Variants in ARIH2 observed in about 807,000 individuals in gnomAD.
ARIH2 encodes the protein ariadne RBR E3 ubiquitin protein ligase 2.
Under a neutral mutation model 79.8 loss-of-function variants are expected in ARIH2, and 12 were observed. The observed-to-expected ratio is 0.15, with a 90% CI of 0.10 to 0.24. The LOEUF (loss-of-function observed/expected upper bound fraction) is 0.24. ARIH2 is among the 10% of genes least tolerant of loss of function. The probability of loss-of-function intolerance (pLI) is 1.00; values close to 1 mark genes in which losing one functional copy is unlikely to be tolerated. For missense variants in ARIH2, 301 were observed against 618.3 expected, an observed-to-expected ratio of 0.49 and a Z score of 5.44; for synonymous variants, 224 against 213.9, an observed-to-expected ratio of 1.05 and a Z score of -0.41.
rs2092817221 is a variant in ARIH2, at chr3:48,983,325, T to C, written c.*55T>C. 6.4e-7 allele frequency: 1 copy of C among 1,563,058 alleles called. No individual in the cohort carries two copies. Among genetic ancestry groups the C allele is most frequent in the Non-Finnish European group, 8.8e-7 (1 of 1,134,938 alleles). ...AGATGTGGCTGCAAGGTCTCCCGGC[T>C]GCCATACTGCATGCTGCAGGCTCTG... is the stretch of plus-strand genomic sequence containing the variant. On this transcript the variant is annotated 3_prime_UTR_variant, in exon 16 of 16. Coordinates refer to ENST00000356401, the MANE Select transcript of ARIH2 (RefSeq NM_006321.4).
chr3:48,982,937 C>T lies in ARIH2; in HGVS notation c.1368C>T (p.Asn456=). 6.2e-7 allele frequency: 1 copy of T among 1,614,202 alleles called. No individual in the cohort carries two copies. Among genetic ancestry groups the T allele is most frequent in the Non-Finnish European group, 8.5e-7 (1 of 1,180,046 alleles). ...CTCAGCTGGAGGCTGAGATCGAAAACCTCTCATGGAAAGTGGAGCGTGCAG... is the reference window on the plus strand; with the variant it reads ...CTCAGCTGGAGGCTGAGATCGAAAATCTCTCATGGAAAGTGGAGCGTGCAG... ...QQAQLEAEIE[N]LSWKVERADS... is the part of the protein sequence containing the mutation. The change falls in exon 15 of 16, where the codon AAC becomes AAT. Residue 456 remains asparagine (N), a synonymous_variant. Transcript: ENST00000356401.
chr3:48,941,657 A>G (rs1370011973), intron 3 of ARIH2, among the ~76,000 whole-genome samples: 3 of 149,844 alleles, frequency 2.0e-5, no homozygotes, highest in Non-Finnish European at 4.4e-5. Context: ...CAGTGGCGCA[A>G]TCTCGGCTCA....
At position 48,968,656 on chromosome 3, in the gene ARIH2, G is replaced by A. The variant is rs1356658348; in HGVS notation, c.660+1G>A. 1 of 1,607,066 alleles carries A rather than the reference G, an allele frequency of 6.2e-7. No individual in the cohort carries two copies. Reference sequence around the variant, plus strand: ...CTACCTCTTCAGGGACTATGTGGAGGTATGGCCAGCCTTTGTTCTGCCCTC... The same window carrying A: ...CTACCTCTTCAGGGACTATGTGGAGATATGGCCAGCCTTTGTTCTGCCCTC... On this transcript the variant is annotated splice_donor_variant, in intron 7 of 15. Transcript: ENST00000356401. LOFTEE classifies it high-confidence loss of function.
At chr3:48,919,996 G>A (rs1301376164) in intron 1 of ARIH2, among the ~76,000 whole-genome samples, 1 of 144,572 alleles carries the variant, frequency 6.9e-6, no homozygotes, top group African/African-American at 2.6e-5. Flanking sequence ...TTTTTTTTTG[G>A]TGGGCGGGAC....
At chr3:48,952,380 A>G (rs535755133) in intron 3 of ARIH2, among the ~76,000 whole-genome samples, 3 of 152,330 alleles carry the variant, frequency 2.0e-5, no homozygotes, top group South Asian at 2.1e-4. Context: ...TGTCCTGTCA[A>G]TACTGGAGAG....
chr3:48,979,371 G>A (rs2092671618), intron 11 of ARIH2, 111 bp from the exon 12 acceptor site: 5 of 1,172,946 alleles, frequency 4.3e-6, no homozygotes, highest in Middle Eastern at 2.8e-4. Context: ...TTGGGAAGTT[G>A]TGTTCAGGTG....
intron 3 of ARIH2, among the ~76,000 whole-genome samples, chr3:48,938,416 A>G (rs1328971492): frequency 6.6e-6 from 1 of 152,208 alleles, no homozygotes; most frequent in Non-Finnish European, 1.5e-5. Context: ...ACTTCTCAGC[A>G]GTATGAAAGA....
chr3:48,960,280 C>T (rs577389933), intron 3 of ARIH2, among the ~76,000 whole-genome samples: 1 of 152,182 alleles, frequency 6.6e-6, no homozygotes, highest in African/African-American at 2.4e-5. Context: ...GCTTCTTTAA[C>T]CTAACATTAA....
Position 48,918,953 on chromosome 3 carries a change from C to T in ARIH2, c.-207C>T, listed in dbSNP as rs372570123. ...CCGGTCCCTCTGGCCCGGCCTGACC[C>T]GGTCTGGCTTGTTCGGGCTCAGCGG... On this transcript the variant is annotated 5_prime_UTR_variant, in exon 1 of 16. Coordinates refer to ENST00000356401, the MANE Select transcript of ARIH2 (RefSeq NM_006321.4). The T allele has an allele frequency of 4.0e-5, 61 of 1,527,580 alleles. No homozygotes were observed. The African/African-American group carries it at 7.2e-4, about 18-fold the overall frequency. 94.6% of individuals were successfully genotyped at this position (1,527,580 alleles called of 1,614,324 possible).
chr3:48,979,407 G>C (rs2092673598), intron 11 of ARIH2, 75 bp from the exon 12 acceptor site: 22 of 1,529,716 alleles, frequency 1.4e-5, no homozygotes, highest in Non-Finnish European at 2.0e-5. Context: ...GGGTCTGTCT[G>C]TCTCACTCCT....
chr3:48,971,620 A>G (rs1217181145), intron 8 of ARIH2, among the ~76,000 whole-genome samples: 3 of 152,214 alleles, frequency 2.0e-5, no homozygotes, highest in Admixed American at 2.0e-4. Flanking sequence ...TTAGGCCCAG[A>G]TCTGTCCTAA....
At chr3:48,923,066 G>A (rs896524384) in intron 2 of ARIH2, among the ~76,000 whole-genome samples, 4 of 151,982 alleles carry the variant, frequency 2.6e-5, no homozygotes, top group African/African-American at 9.7e-5. Flanking sequence ...AATTAGCCGG[G>A]CGTAGTGGCG....
intron 3 of ARIH2, among the ~76,000 whole-genome samples, chr3:48,942,829 T>C (rs544385669): frequency 3.9e-5 from 6 of 152,012 alleles, no homozygotes; most frequent in Admixed American, 3.3e-4. Context: ...TTTTGTATTT[T>C]TAGTAGAGAT....
At chr3:48,974,010 T>G (rs2092379957) in intron 9 of ARIH2, among the ~76,000 whole-genome samples, 194 bp downstream of exon 9, 1 of 152,190 alleles carries the variant, frequency 6.6e-6, no homozygotes, top group Admixed American at 6.5e-5. Context: ...GTGCATATTT[T>G]CTTTATTATG....
At chr3:48,976,205 C>T (rs974070127) in intron 11 of ARIH2, among the ~76,000 whole-genome samples, 1 of 151,124 alleles carries the variant, frequency 6.6e-6, no homozygotes, top group Non-Finnish European at 1.5e-5. Flanking sequence ...AGCCACCGAG[C>T]CTGTACTTTT....
intron 1 of ARIH2, 164 bp downstream of exon 1, chr3:48,919,162 G>C (rs2084358303): frequency 7.7e-7 from 1 of 1,299,950 alleles, no homozygotes; most frequent in Non-Finnish European, 9.7e-7. Context: ...CCCGCCGTCA[G>C]CGGCCGGGCG....
chr3:48,974,366 C>T (rs1424756284), intron 9 of ARIH2, among the ~76,000 whole-genome samples: 1 of 152,198 alleles, frequency 6.6e-6, no homozygotes, highest in African/African-American at 2.4e-5. Context: ...GTCTTCATTG[C>T]TGCCTCAGGT....
At chr3:48,977,290 T>TTTTTG (rs952263535) in intron 11 of ARIH2, among the ~76,000 whole-genome samples, 5 of 152,004 alleles carry the variant, frequency 3.3e-5, no homozygotes, top group South Asian at 2.1e-4. Context: ...GGAATGTGGT[T>TTTTTG]TTTTGTTTTG....
chr3:48,982,303 G>A (rs1005806966), intron 14 of ARIH2, among the ~76,000 whole-genome samples: 3 of 152,224 alleles, frequency 2.0e-5, no homozygotes, highest in African/African-American at 7.2e-5. Context: ...ACAGTTTATT[G>A]TTATAGCTGT....
Sources: gnomAD v4.1 joint callset for allele counts (sites outside exome capture counted in the v4.1 genomes callset) on GRCh38, gnomAD v4.1.1 for gene constraint, MANE v1.5 for transcripts, NCBI Gene and HGNC (gene_info 2026-07-23, HGNC 2026-07-21) for gene names.